Variants in NEMP2 observed in about 807,000 individuals in gnomAD.
The protein encoded by NEMP2 is nuclear envelope integral membrane protein 2, also known as UPF0571 transmembrane protein.
Under a neutral mutation model 54.2 loss-of-function variants are expected in NEMP2, and 53 were observed. The observed-to-expected ratio is 0.98, with a 90% confidence interval of 0.78 to 1.23. NEMP2 has a LOEUF of 1.23. NEMP2 is among the 50% of genes most tolerant of loss of function. The pLI, the probability that NEMP2 is intolerant of heterozygous loss-of-function variation, is 0.00. For synonymous variants in NEMP2, 197 were observed against 190.3 expected, an observed-to-expected ratio of 1.04 and a Z score of -0.29; for missense variants, 455 against 511.3, an observed-to-expected ratio of 0.89 and a Z score of 1.06.
the NEMP2 span, chr2:190,608,241 G>A: frequency 2.0e-4 from 30 of 152,198 alleles, no homozygotes; most frequent in African/African-American, 7.0e-4. The surrounding 1 kb of genome is among the most constrained non-coding windows in gnomAD (Gnocchi z 4.9). Context: ...ACTTAATAAT[G>A]GTCCCAATGT....
the NEMP2 span, among the ~76,000 whole-genome samples, chr2:190,636,011 G>A: frequency 2.3e-4 from 35 of 152,208 alleles, no homozygotes; most frequent in East Asian, 9.6e-4. Flanking sequence ...AACCACAGGC[G>A]TGTGCCATCA....
At chr2:190,479,916 C>T in the NEMP2 span, among the ~76,000 whole-genome samples, 55 of 152,262 alleles carry the variant, frequency 3.6e-4, no homozygotes, top group African/African-American at 1.3e-3. Context: ...AAGCGTTATT[C>T]TGTTTGTCTT....
the NEMP2 span, among the ~76,000 whole-genome samples, chr2:190,554,066 G>A: frequency 6.6e-6 from 1 of 152,116 alleles, no homozygotes; most frequent in Non-Finnish European, 1.5e-5. This position sits in a 1 kb window ranked among gnomAD's most constrained non-coding sequence, Gnocchi z 5.7. Context: ...AAGGGGTCAG[G>A]GGAACTCCCT....
At chr2:190,444,970 C>A in the NEMP2 span, 1 of 476,348 alleles carries the variant, frequency 2.1e-6, no homozygotes, top group Non-Finnish European at 2.7e-6. Flanking sequence ...AAATTTAGAG[C>A]TAGTGTAGTC....
chr2:190,573,684 T>C, the NEMP2 span, among the ~76,000 whole-genome samples: 2 of 152,228 alleles, frequency 1.3e-5, no homozygotes. Flanking sequence ...TTGTCTGTTA[T>C]TGAAACGTAA....
chr2:190,555,526 C>T, the NEMP2 span, among the ~76,000 whole-genome samples: 3 of 151,446 alleles, frequency 2.0e-5, no homozygotes, highest in Admixed American at 6.6e-5. The surrounding 1 kb of genome is among the most constrained non-coding windows in gnomAD (Gnocchi z 4.8). Context: ...ATGAAGCATA[C>T]ATAAGTATCA....
chr2:190,469,758 G>C, the NEMP2 span: 1 of 860,472 alleles, frequency 1.2e-6, no homozygotes, highest in African/African-American at 2.6e-5. This position sits in a 1 kb window ranked among gnomAD's most constrained non-coding sequence, Gnocchi z 5.3. Context: ...TTTTTTTTAG[G>C]GTTCTGTACA....
the NEMP2 span, among the ~76,000 whole-genome samples, chr2:190,425,947 C>T: frequency 6.6e-6 from 1 of 152,106 alleles, no homozygotes; most frequent in Non-Finnish European, 1.5e-5. The surrounding 1 kb of genome is among the most constrained non-coding windows in gnomAD (Gnocchi z 4.3). Flanking sequence ...GTTTTTCTCC[C>T]ATTGGTAAGT....
the NEMP2 span, among the ~76,000 whole-genome samples, chr2:190,495,232 A>T: frequency 6.6e-6 from 1 of 152,164 alleles, no homozygotes; most frequent in Non-Finnish European, 1.5e-5. This position sits in a 1 kb window ranked among gnomAD's most constrained non-coding sequence, Gnocchi z 4.7. Context: ...TCAAATCAAG[A>T]ACCCAACACC....
chr2:190,592,376 T>C, the NEMP2 span, among the ~76,000 whole-genome samples: 7 of 152,176 alleles, frequency 4.6e-5, no homozygotes, highest in East Asian at 5.8e-4. The surrounding 1 kb of genome is among the most constrained non-coding windows in gnomAD (Gnocchi z 4.4). Flanking sequence ...CATTGAATGA[T>C]GTAGAAAAGT....
the NEMP2 span, among the ~76,000 whole-genome samples, chr2:190,637,492 G>T: frequency 1.3e-5 from 2 of 152,188 alleles, no homozygotes; most frequent in South Asian, 4.1e-4. The surrounding 1 kb of genome is among the most constrained non-coding windows in gnomAD (Gnocchi z 4.5). Context: ...CTCTTCACAT[G>T]TAATTCTCAA....
chr2:190,491,521 G>A, the NEMP2 span, among the ~76,000 whole-genome samples: 1 of 152,174 alleles, frequency 6.6e-6, no homozygotes, highest in Non-Finnish European at 1.5e-5. This position sits in a 1 kb window ranked among gnomAD's most constrained non-coding sequence, Gnocchi z 4.2. Flanking sequence ...CCTGGAGCCT[G>A]GTAGCCCTGC....
the NEMP2 span, among the ~76,000 whole-genome samples, chr2:190,565,841 T>C: frequency 2.2e-4 from 33 of 152,282 alleles, no homozygotes; most frequent in African/African-American, 7.5e-4. Flanking sequence ...TGTGTCCTTA[T>C]AAGAAGAGAA....
chr2:190,534,563 T>TAACGCTGCC lies in NEMP2; in HGVS notation c.84_92dup (p.Ala29_Leu31dup), dbSNP rs1691295846. ...CCGCCGCCGGTCCCGGGTTACCTGA[T>TAACGCTGCC]AACGCTGCCGCCGCCGCCTCCCCGC... is the stretch of plus-strand genomic sequence containing the variant. On this transcript the variant is annotated inframe_insertion, in exon 1 of 9. Transcript: ENST00000409150. The TAACGCTGCC allele has an allele frequency of 7.1e-7, 1 of 1,402,182 alleles. No individual in the cohort carries two copies. The highest frequency in any genetic ancestry group is 3.1e-5 in the East Asian group (1 of 32,602). The allele number at this position is 1,402,182 out of a possible 1,614,324, so 86.9% of individuals were successfully genotyped here. A position where few individuals can be genotyped will look rare whatever the true frequency, so the allele number is the denominator to read the frequency against.
chr2:190,601,276 A>AT, the NEMP2 span, among the ~76,000 whole-genome samples: 1 of 152,166 alleles, frequency 6.6e-6, no homozygotes, highest in East Asian at 1.9e-4. The surrounding 1 kb of genome is among the most constrained non-coding windows in gnomAD (Gnocchi z 5.8). Flanking sequence ...AAAGGCCCAG[A>AT]ACGATCCTTC....
rs62181052 is a variant in NEMP2, at chr2:190,523,132, A to G, written c.213+2131T>C. On this transcript the variant is annotated intron_variant, in intron 2 of 8. Coordinates refer to ENST00000409150, the MANE Select transcript of NEMP2 (RefSeq NM_001142645.2). This position sits in a 1 kb window ranked among gnomAD's most constrained non-coding sequence, Gnocchi z 5.3. ...AATAAAAATGATAATAAAATTGACC[A>G]TGATGGGGGAAAACCTTGAAATTGA... 0.16 allele frequency among the ~76,000 whole-genome samples: 23,747 copies of G among 152,224 alleles called. 1,985 individuals carry two copies. The highest frequency in any genetic ancestry group is 0.3 in the East Asian group (1,574 of 5,182).
the NEMP2 span, chr2:190,553,202 T>G: frequency 6.6e-6 from 1 of 152,156 alleles, no homozygotes; most frequent in Non-Finnish European, 1.5e-5. Flanking sequence ...ATCCTCAAAA[T>G]AGTCCTCTTA....
the NEMP2 span, chr2:190,497,534 C>G: frequency 1.2e-6 from 2 of 1,614,196 alleles, no homozygotes; most frequent in Non-Finnish European, 1.7e-6. The surrounding 1 kb of genome is among the most constrained non-coding windows in gnomAD (Gnocchi z 5.2). Flanking sequence ...AGATGTCATG[C>G]CACGCATTGA....
chr2:190,522,976 A>T lies in NEMP2; in HGVS notation c.213+2287T>A, dbSNP rs1254676995. ...ATATGTAAAACCAAGCTGTGCCCTG[A>T]CCACCTTGGGCACATGTTCTCAGAA... On this transcript the variant is annotated intron_variant, in intron 2 of 8. Coordinates refer to ENST00000409150, the MANE Select transcript of NEMP2 (RefSeq NM_001142645.2). The surrounding 1 kb of genome is among the most constrained non-coding windows in gnomAD (Gnocchi z 5.0). Among the ~76,000 whole-genome samples, 1 of 152,194 alleles carries T rather than the reference A, an allele frequency of 6.6e-6. No homozygotes were observed. The highest frequency in any genetic ancestry group is 1.5e-5 in the Non-Finnish European group (1 of 68,032).
Sources: gnomAD v4.1 joint callset for allele counts (sites outside exome capture counted in the v4.1 genomes callset) on GRCh38, gnomAD v4.1.1 for gene constraint, Gnocchi (gnomAD v3.1) non-coding constraint, MANE v1.5 for transcripts, NCBI Gene and HGNC (gene_info 2026-07-23, HGNC 2026-07-21) for gene names.